CACNA2D3: variants seen among roughly 807,000 people sequenced by gnomAD.
CACNA2D3 encodes the protein calcium voltage-gated channel auxiliary subunit alpha2delta 3, also known as voltage-dependent calcium channel subunit alpha-2/delta-3.
Under a neutral mutation model 160.6 loss-of-function variants are expected in CACNA2D3, and 60 were observed. That is an observed-to-expected ratio of 0.37 (90% CI 0.30 to 0.46). The LOEUF is 0.46. CACNA2D3 is among the 20% of genes least tolerant of loss of function. CACNA2D3 has a pLI of 1.00. For missense variants in CACNA2D3, 1,205 were observed against 1,365.0 expected (o/e 0.88, Z 1.85); for synonymous variants, 558 against 492.9 (o/e 1.13, Z -1.75).
In CACNA2D3 at chr3:54,145,691, A is replaced by C. The variant is rs138477822; in HGVS notation, c.204+22097A>C. Among the ~76,000 whole-genome samples the C allele has an allele frequency of 4.0e-3, 606 of 152,330 alleles. 6 individuals carry two copies. The highest frequency in any genetic ancestry group is 0.014 in the African/African-American group (578 of 41,584). ...ATCCTCAGCACCCAGTGCAGGGCGC[A>C]GCATCCAGAGACTGCATGAAGTCGA... On this transcript the variant is annotated intron_variant, in intron 2 of 37. Transcript: ENST00000474759.
intron 30 of CACNA2D3, among the ~76,000 whole-genome samples, 177 bp from the exon 31 acceptor site, chr3:54,987,506 T>C (rs1283986304): frequency 1.3e-5 from 2 of 152,162 alleles, no homozygotes; most frequent in East Asian, 3.9e-4. Context: ...ATCTGCTCTC[T>C]AGTTTGCTGT....
chr3:54,806,339 A>G (rs1209137018), intron 13 of CACNA2D3, among the ~76,000 whole-genome samples: 1 of 152,182 alleles, frequency 6.6e-6, no homozygotes, highest in African/African-American at 2.4e-5. Context: ...TAAGCTGATA[A>G]GCAACTTCAG....
intron 4 of CACNA2D3, among the ~76,000 whole-genome samples, chr3:54,480,796 A>G (rs923689799): frequency 1.3e-5 from 2 of 152,284 alleles, no homozygotes; most frequent in South Asian, 4.1e-4. Flanking sequence ...AGACTCCAGA[A>G]TCTGAAATGT....
intron 2 of CACNA2D3, among the ~76,000 whole-genome samples, chr3:54,190,790 A>G (rs946917237): frequency 1.3e-5 from 2 of 152,212 alleles, no homozygotes; most frequent in African/African-American, 4.8e-5. Flanking sequence ...GTCGAGATCC[A>G]CTAGACAGAA....
At position 54,137,858 on chromosome 3, in the gene CACNA2D3, G is replaced by A. The variant is rs142157680; in HGVS notation, c.204+14264G>A. 6.0e-4 allele frequency among the ~76,000 whole-genome samples: 92 copies of A among 152,314 alleles called. 3 individuals are homozygous for A. In the East Asian group the frequency reaches 0.015, roughly 26 times the overall value. The stretch of plus-strand genomic sequence containing the variant: ...AAATTGATTTCACAATATAATAAAT[G>A]TGTTTTAAAAACCCGTGCTCTAAAT... On this transcript the variant is annotated intron_variant, in intron 2 of 37. Coordinates refer to ENST00000474759, the MANE Select transcript of CACNA2D3 (RefSeq NM_018398.3).
chr3:54,683,944 CTG>C (rs1700401180), intron 11 of CACNA2D3, among the ~76,000 whole-genome samples: 1 of 144,602 alleles, frequency 6.9e-6, no homozygotes, highest in Non-Finnish European at 1.5e-5. Flanking sequence ...CTCTGTGTGT[CTG>C]TGCCCAAATT....
At chr3:54,461,961 A>T (rs1039137533) in intron 4 of CACNA2D3, among the ~76,000 whole-genome samples, 2 of 152,060 alleles carry the variant, frequency 1.3e-5, no homozygotes, top group African/African-American at 4.8e-5. Context: ...CGTCCCAGAG[A>T]TTCTGGTATG....
intron 11 of CACNA2D3, among the ~76,000 whole-genome samples, chr3:54,723,147 G>A (rs1464944405): frequency 1.3e-5 from 2 of 152,226 alleles, no homozygotes; most frequent in African/African-American, 4.8e-5. Flanking sequence ...GCAGCAGTGG[G>A]CTACACCTAG....
chr3:54,569,501 G>T (rs1462130840), intron 6 of CACNA2D3, among the ~76,000 whole-genome samples: 1 of 152,176 alleles, frequency 6.6e-6, no homozygotes, highest in African/African-American at 2.4e-5. Context: ...TTTATCCCTA[G>T]CCAAGGGAAG....
At chr3:54,907,885 A>C (rs1159146538) in intron 27 of CACNA2D3, among the ~76,000 whole-genome samples, 2 of 152,140 alleles carry the variant, frequency 1.3e-5, no homozygotes, top group African/African-American at 4.8e-5. Flanking sequence ...ATCCATCTAC[A>C]TTGTAGCCTG....
At chr3:54,891,280 G>A (rs893905668) in intron 24 of CACNA2D3, 75 bp from the exon 25 acceptor site, 2 of 975,714 alleles carry the variant, frequency 2.0e-6, no homozygotes, top group African/African-American at 3.3e-5. Context: ...AAAACATTCT[G>A]TGAGTCTTAA....
chr3:54,606,007 C>G (rs1698600422), intron 9 of CACNA2D3, among the ~76,000 whole-genome samples: 3 of 152,066 alleles, frequency 2.0e-5, no homozygotes, highest in Non-Finnish European at 4.4e-5. Flanking sequence ...AGAGTCTGAT[C>G]CATTTCTGTA....
At chr3:54,193,258 G>A (rs1336403419) in intron 2 of CACNA2D3, among the ~76,000 whole-genome samples, 2 of 152,128 alleles carry the variant, frequency 1.3e-5, no homozygotes, top group Non-Finnish European at 2.9e-5. Flanking sequence ...TATGGCTGTG[G>A]GATGATTGAG....
At chr3:54,985,858 T>C in intron 30 of CACNA2D3, among the ~76,000 whole-genome samples, 1 of 152,310 alleles carries the variant, frequency 6.6e-6, no homozygotes, top group African/African-American at 2.4e-5. Flanking sequence ...GGATTTTCAG[T>C]GCCCCTTGGT....
At chr3:54,966,163 C>T (rs1411764311) in intron 27 of CACNA2D3, among the ~76,000 whole-genome samples, 1 of 152,018 alleles carries the variant, frequency 6.6e-6, no homozygotes, top group Non-Finnish European at 1.5e-5. Context: ...CATCAGGAGA[C>T]TCATGGAAGC....
intron 29 of CACNA2D3, among the ~76,000 whole-genome samples, chr3:54,972,399 G>A (rs1333534255): frequency 6.6e-6 from 1 of 152,134 alleles, no homozygotes; most frequent in African/African-American, 2.4e-5. Context: ...TTCTCACCAA[G>A]GCCCCTTTCC....
At chr3:54,274,297 C>G (rs1702688132) in intron 2 of CACNA2D3, among the ~76,000 whole-genome samples, 1 of 151,862 alleles carries the variant, frequency 6.6e-6, no homozygotes, top group Non-Finnish European at 1.5e-5. Context: ...TGTAATCATT[C>G]TGATTCATTC....
At chr3:54,458,624 A>G (rs566148947) in intron 4 of CACNA2D3, among the ~76,000 whole-genome samples, 26 of 152,066 alleles carry the variant, frequency 1.7e-4, no homozygotes, top group East Asian at 9.7e-4. Context: ...ACTTTTGACA[A>G]TTTGACTACA....
chr3:54,918,584 C>T (rs775234180), intron 27 of CACNA2D3: 20 of 1,613,970 alleles, frequency 1.2e-5, no homozygotes, highest in Non-Finnish European at 1.7e-5. Context: ...ATGGCAGCTG[C>T]CAACATCATG....
Sources: allele counts gnomAD v4.1 joint callset (sites outside exome capture counted in the v4.1 genomes callset), GRCh38; gene constraint gnomAD v4.1.1; transcripts MANE v1.5; gene names NCBI Gene and HGNC (gene_info 2026-07-23, HGNC 2026-07-21).